FBXO2: variants seen among roughly 807,000 people sequenced by gnomAD.
The protein encoded by FBXO2 is F-box only protein 2.
In FBXO2, 32 loss-of-function variants were observed where a neutral mutation model predicts 38.6. The ratio of observed to expected loss-of-function variants is 0.83; its 90% CI spans 0.62 to 1.11. FBXO2 has a LOEUF of 1.11. Among genes scored for constraint, FBXO2 ranks in the 50% most tolerant of loss-of-function variants. The pLI is 0.00. For synonymous variants in FBXO2, 189 were observed against 182.9 expected (o/e 1.03, Z -0.27); for missense variants, 450 against 418.3 (o/e 1.08, Z -0.66).
rs745338626 is a variant in FBXO2 at position 11,650,756 on chromosome 1, TC to T, written c.100del (p.Asp34ThrfsTer83). The T allele has an allele frequency of 2.3e-5, 35 of 1,531,750 alleles. No individual in the cohort carries two copies. Among genetic ancestry groups the T allele is most frequent in the Non-Finnish European group, 2.9e-5 (33 of 1,145,200 alleles). The allele number at this position is 1,531,750 out of a possible 1,614,324, so 94.9% of individuals were successfully genotyped here. On this transcript the variant is annotated frameshift_variant, in exon 2 of 6. Transcript: ENST00000354287. LOFTEE classifies it high-confidence loss of function. ...GGCCGCCGCCTCCTCCTCCTGCTGG[TC>T]CTCCGGCCGCTCCTCCTCAGCACTC... ...EASAEEERPE[D>X]QQEEEAAAAA...
At position 11,650,685 on chromosome 1, in the gene FBXO2, C is replaced by G; in HGVS notation, c.172G>C (p.Val58Leu). The G allele has an allele frequency of 6.5e-7, 1 of 1,536,376 alleles. No homozygotes were observed. Among genetic ancestry groups the G allele is most frequent in the African/African-American group, 1.4e-5 (1 of 72,368 alleles). The change falls in exon 2 of 6, where the codon GTG becomes CTG. Residue 58 changes from valine to leucine, a missense_variant. Transcript: ENST00000354287. ...TCGGCGGCCGGCAGTGCGGCCAGCA[C>G]GCGCAGCAGCAGCGGCTCGGGCAGC... Reference protein sequence around the residue: ...DELPEPLLLRVLAALPAAELV... With the variant: ...DELPEPLLLRLLAALPAAELV...
rs940863414 is a variant in FBXO2, at chr1:11,649,232, A to AGAGG, written c.618-11_618-8dup. 2.4e-5 allele frequency: 26 copies of AGAGG among 1,066,710 alleles called. No homozygotes were observed. Among genetic ancestry groups the AGAGG allele is most frequent in the Non-Finnish European group, 3.1e-5 (25 of 796,626 alleles). The allele number at this position is 1,066,710 out of a possible 1,614,324, so 66.1% of individuals were successfully genotyped here. A position where few individuals can be genotyped will look rare whatever the true frequency, so the allele number is the denominator to read the frequency against. On this transcript the variant is annotated splice_polypyrimidine_tract_variant and splice_region_variant and intron_variant, in intron 4 of 5. Transcript: ENST00000354287. ...GTCGCTGCGGCCCGAGTACCTGCTC[A>AGAGG]GAGGGAGGGAGCGAGGTGGGGGGCG...
chr1:11,648,922 C>T lies in FBXO2; in HGVS notation c.757-94G>A, dbSNP rs1272460314. 6.4e-7 allele frequency: 1 copy of T among 1,555,890 alleles called. No homozygotes were observed. Among genetic ancestry groups the T allele is most frequent in the Non-Finnish European group, 8.8e-7 (1 of 1,140,692 alleles). ...CACCGACCGACCTGCAGCTCCCCCACTCGGTTTCTCCGCGGTATTCAGAAC... is the reference window on the plus strand; with the variant it reads ...CACCGACCGACCTGCAGCTCCCCCATTCGGTTTCTCCGCGGTATTCAGAAC... On this transcript the variant is annotated intron_variant, in intron 5 of 5. Transcript: ENST00000354287. The surrounding 1 kb of genome is among the most constrained non-coding windows in gnomAD (Gnocchi z 4.2).
intron 1 of FBXO2, among the ~76,000 whole-genome samples, chr1:11,651,304 G>A (rs1224756905): frequency 1.3e-5 from 2 of 151,988 alleles, no homozygotes; most frequent in South Asian, 2.1e-4. Flanking sequence ...TGTGATAAAC[G>A]CCTGTCTCTG....
At chr1:11,654,033 T>A (rs922883492) in intron 1 of FBXO2, 10 of 413,470 alleles carry the variant, frequency 2.4e-5, no homozygotes, top group Admixed American at 1.4e-4. Context: ...AGACAGACCC[T>A]CAGGAAGCTG....
At position 11,649,992 on chromosome 1, in the gene FBXO2, C is replaced by T. The variant is rs1639486397; in HGVS notation, c.474G>A (p.Glu158=). 6.2e-7 allele frequency: 1 copy of T among 1,614,034 alleles called. No homozygotes were observed. Among genetic ancestry groups the T allele is most frequent in the Non-Finnish European group, 8.5e-7 (1 of 1,180,018 alleles). Residue 158 remains glutamate, a synonymous_variant, in exon 3 of 6, where the codon GAG becomes GAA. Coordinates refer to ENST00000354287, the MANE Select transcript of FBXO2 (RefSeq NM_012168.6). ...TCTTGACGCTCTCATCGTGGGTGAA[C>T]TCCACCCCACTGTCTCCAGGCAGCT... is the stretch of plus-strand genomic sequence containing the variant. ...VEELPGDSGV[E]FTHDESVKKY...
In FBXO2 at chr1:11,648,972, T is replaced by TCAGGCCAGCCCAGCCCAGCC. The variant is rs1639465062; in HGVS notation, c.756+114_756+115insGGCTGGGCTGGGCTGGCCTG. On this transcript the variant is annotated intron_variant, in intron 5 of 5. Coordinates refer to ENST00000354287, the MANE Select transcript of FBXO2 (RefSeq NM_012168.6). The surrounding 1 kb of genome is among the most constrained non-coding windows in gnomAD (Gnocchi z 4.2). ...CTCTCTCCACCACCCGGTGACTATC[T>TCAGGCCAGCCCAGCCCAGCC]CAGCCCAGCCCAGCCCAGCCCACCC... 1 of 712,756 alleles carries TCAGGCCAGCCCAGCCCAGCC rather than the reference T, an allele frequency of 1.4e-6. No individual in the cohort carries two copies. The highest frequency in any genetic ancestry group is 2.1e-6 in the Non-Finnish European group (1 of 475,170). The allele number at this position is 712,756 out of a possible 1,614,324, so 44.2% of individuals were successfully genotyped here. A position where few individuals can be genotyped will look rare whatever the true frequency, so the allele number is the denominator to read the frequency against.
At chr1:11,650,169 TG>T (rs1639490139) in intron 2 of FBXO2, 95 bp from the exon 3 acceptor site, 1 of 1,535,200 alleles carries the variant, frequency 6.5e-7, no homozygotes, top group East Asian at 2.3e-5. Flanking sequence ...AGGTCGCACT[TG>T]GTGTCTTGGT....
In FBXO2 at chr1:11,648,930, C is replaced by T; in HGVS notation, c.757-102G>A. The T allele has an allele frequency of 6.5e-7, 1 of 1,543,766 alleles. No homozygotes were observed. Among genetic ancestry groups the T allele is most frequent in the East Asian group, 2.3e-5 (1 of 43,678 alleles). ...GACCTGCAGCTCCCCCACTCGGTTTCTCCGCGGTATTCAGAACTCTCTCCA... is the reference window on the plus strand; with the variant it reads ...GACCTGCAGCTCCCCCACTCGGTTTTTCCGCGGTATTCAGAACTCTCTCCA... On this transcript the variant is annotated intron_variant, in intron 5 of 5. Transcript: ENST00000354287. This position sits in a 1 kb window ranked among gnomAD's most constrained non-coding sequence, Gnocchi z 4.2.
At chr1:11,652,932 C>T (rs887134195) in intron 1 of FBXO2, among the ~76,000 whole-genome samples, 4 of 152,228 alleles carry the variant, frequency 2.6e-5, no homozygotes, top group African/African-American at 4.8e-5. Context: ...TCATTGAACA[C>T]AGCACTTCTC....
At chr1:11,651,346 T>G (rs1164862012) in intron 1 of FBXO2, among the ~76,000 whole-genome samples, 1 of 152,156 alleles carries the variant, frequency 6.6e-6, no homozygotes. Context: ...GGCCAGAACA[T>G]GGTCTGGAAA....
At chr1:11,650,907 GC>G (rs1428542520) in intron 1 of FBXO2, 73 bp from the exon 2 acceptor site, 10 of 1,505,440 alleles carry the variant, frequency 6.6e-6, no homozygotes, top group Non-Finnish European at 8.8e-6. Context: ...ACTGCAATGT[GC>G]CCGTAACCTC....
intron 4 of FBXO2, 86 bp downstream of exon 4, chr1:11,649,693 C>G (rs951423334): frequency 7.0e-7 from 1 of 1,421,596 alleles, no homozygotes. Flanking sequence ...GGAGGCAGCA[C>G]CCCCAGGCGG....
intron 4 of FBXO2, 100 bp from the exon 5 acceptor site, chr1:11,649,325 GTCC>G: frequency 9.7e-7 from 1 of 1,034,240 alleles, no homozygotes; most frequent in Non-Finnish European, 1.4e-6. Context: ...TTCCACAAAA[GTCC>G]TCCTGTGCGC....
intron 1 of FBXO2, among the ~76,000 whole-genome samples, chr1:11,652,617 G>A (rs577966214): frequency 3.3e-5 from 5 of 152,236 alleles, no homozygotes; most frequent in East Asian, 1.9e-4. Context: ...ATGCCTGGAC[G>A]AGGGAGAGCC....
At chr1:11,650,378 A>G in intron 2 of FBXO2, 88 bp downstream of exon 2, 1 of 1,514,492 alleles carries the variant, frequency 6.6e-7, no homozygotes, top group Non-Finnish European at 8.8e-7. Context: ...CAGGCGCTTA[A>G]TCCCATTTCT....
At chr1:11,650,935 A>G in intron 1 of FBXO2, 101 bp from the exon 2 acceptor site, 1 of 1,424,728 alleles carries the variant, frequency 7.0e-7, no homozygotes, top group Non-Finnish European at 9.2e-7. Flanking sequence ...CCACCGTGGG[A>G]CAATCCACAG....
Position 11,654,365 on chromosome 1 carries a change from G to C in FBXO2, c.-25C>G, listed in dbSNP as rs1343588285. ...TCGCTGCGGAGGGCGGTCGCGAGAG[G>C]AGGAGCCGGAGCGCTGCGGGCTGCG... On this transcript the variant is annotated 5_prime_UTR_variant, in exon 1 of 6. Coordinates refer to ENST00000354287, the MANE Select transcript of FBXO2 (RefSeq NM_012168.6). 5 of 1,401,806 alleles carry C rather than the reference G, an allele frequency of 3.6e-6. No homozygotes were observed. In the South Asian group the frequency reaches 7.4e-5, roughly 21 times the overall value. 86.8% of individuals were successfully genotyped at this position (1,401,806 alleles called of 1,614,324 possible).
chr1:11,650,951 G>A (rs1472343502), intron 1 of FBXO2, 117 bp from the exon 2 acceptor site: 72 of 1,379,726 alleles, frequency 5.2e-5, no homozygotes, highest in Non-Finnish European at 6.7e-5. Flanking sequence ...CACAGCTGGG[G>A]CCGGAGATTC....
Sources: gnomAD v4.1 joint callset for allele counts (sites outside exome capture counted in the v4.1 genomes callset) on GRCh38, gnomAD v4.1.1 for gene constraint, Gnocchi (gnomAD v3.1) non-coding constraint, MANE v1.5 for transcripts, NCBI Gene and HGNC (gene_info 2026-07-23, HGNC 2026-07-21) for gene names.